The following CFAP263 variants were observed in gnomAD, a reference collection of about 807,000 sequenced individuals.
CFAP263 encodes cilia- and flagella-associated protein 263.
the CFAP263 span, chr16:58,259,785 A>G: frequency 1.0e-4 from 102 of 1,023,456 alleles, no homozygotes; most frequent in Admixed American, 1.3e-4. Flanking sequence ...AGAACCATCC[A>G]CTTTTCAAAC....
the CFAP263 span, chr16:58,254,200 C>G: frequency 6.2e-7 from 1 of 1,603,956 alleles, no homozygotes; most frequent in Admixed American, 1.7e-5. Context: ...GCCCAGGCTC[C>G]CCACCTCTAC....
chr16:58,250,090 C>A, the CFAP263 span: 1 of 1,588,672 alleles, frequency 6.3e-7, no homozygotes, highest in Non-Finnish European at 8.6e-7. Flanking sequence ...TGTTATCCAG[C>A]TGTGCGGGCT....
chr16:58,271,934 A>G, the CFAP263 span, among the ~76,000 whole-genome samples: 2 of 152,150 alleles, frequency 1.3e-5, no homozygotes, highest in African/African-American at 4.8e-5. Context: ...TTTATTTGGA[A>G]TTCTTCTGTA....
the CFAP263 span, among the ~76,000 whole-genome samples, chr16:58,273,219 GT>G: frequency 1.3e-5 from 2 of 152,174 alleles, no homozygotes; most frequent in Non-Finnish European, 2.9e-5. Flanking sequence ...GTAGCTTACT[GT>G]TTTTCAACAA....
At chr16:58,277,371 C>T in the CFAP263 span, among the ~76,000 whole-genome samples, 2 of 152,094 alleles carry the variant, frequency 1.3e-5, no homozygotes, top group African/African-American at 4.8e-5. Flanking sequence ...TCAAGTGATC[C>T]GCCCGCCTTA....
At chr16:58,268,062 A>AGAGAGAGAGAAT in the CFAP263 span, among the ~76,000 whole-genome samples, 866 of 150,928 alleles carry the variant, frequency 5.7e-3, 5 homozygotes, top group African/African-American at 0.018. Context: ...AGAGAGAGAG[A>AGAGAGAGAGAAT]GGTCATAACC....
chr16:58,258,579 G>A, the CFAP263 span: 1 of 1,534,426 alleles, frequency 6.5e-7, no homozygotes, highest in South Asian at 1.1e-5. Context: ...GGGATGTTAT[G>A]GAAATCATCC....
the CFAP263 span, among the ~76,000 whole-genome samples, chr16:58,252,240 T>C: frequency 6.6e-6 from 1 of 152,128 alleles, no homozygotes; most frequent in South Asian, 2.1e-4. Flanking sequence ...CATGGCATTG[T>C]GCACCTGCAG....
the CFAP263 span, chr16:58,283,226 A>C: frequency 6.6e-6 from 1 of 152,206 alleles, no homozygotes; most frequent in South Asian, 2.1e-4. Flanking sequence ...TTGATTCTAC[A>C]TGTGGGAATT....
chr16:58,257,658 C>CTT, the CFAP263 span, among the ~76,000 whole-genome samples: 11 of 142,456 alleles, frequency 7.7e-5, no homozygotes, highest in East Asian at 4.0e-4. Flanking sequence ...AATATAAAGT[C>CTT]TTTTTTTTTT....
At chr16:58,277,145 T>C in the CFAP263 span, among the ~76,000 whole-genome samples, 3 of 152,150 alleles carry the variant, frequency 2.0e-5, no homozygotes, top group African/African-American at 4.8e-5. Flanking sequence ...TAAATTTTTT[T>C]TTTTAGACAG....
At chr16:58,262,688 C>T in the CFAP263 span, 1 of 659,744 alleles carries the variant, frequency 1.5e-6, no homozygotes, top group Non-Finnish European at 2.4e-6. Flanking sequence ...TCCCTGAATG[C>T]TCCCACAACC....
At chr16:58,262,588 C>G in the CFAP263 span, 6 of 1,521,928 alleles carry the variant, frequency 3.9e-6, no homozygotes, top group Non-Finnish European at 2.7e-6. Context: ...TTTCCACACT[C>G]ACCTTTCTGG....
chr16:58,279,905 A>G, the CFAP263 span: 1 of 722,698 alleles, frequency 1.4e-6, no homozygotes, highest in East Asian at 2.6e-5. Flanking sequence ...CAGGCTGCGT[A>G]TCATCTCCTG....
At chr16:58,258,577 A>C in the CFAP263 span, 1 of 1,535,982 alleles carries the variant, frequency 6.5e-7, no homozygotes, top group Non-Finnish European at 9.0e-7. Flanking sequence ...CAGGGATGTT[A>C]TGGAAATCAT....
chr16:58,254,507 T>C, the CFAP263 span, among the ~76,000 whole-genome samples: 1 of 152,206 alleles, frequency 6.6e-6, no homozygotes. Context: ...TGAATCCTAG[T>C]GAATCTCTGT....
chr16:58,275,758 T>C, the CFAP263 span, among the ~76,000 whole-genome samples: 2 of 152,116 alleles, frequency 1.3e-5, no homozygotes, highest in Admixed American at 1.3e-4. Flanking sequence ...ATAAATGACA[T>C]GGGGTAACTG....
the CFAP263 span, among the ~76,000 whole-genome samples, chr16:58,251,321 C>G: frequency 6.1e-3 from 931 of 152,334 alleles, 4 homozygotes; most frequent in South Asian, 8.5e-3. Flanking sequence ...GGAGCATGCT[C>G]TATGCTGAAA....
chr16:58,282,159 C>A, the CFAP263 span: 15,162 of 152,150 alleles, frequency 0.1, 851 homozygotes, highest in Admixed American at 0.12. Context: ...CAGGCGCCCA[C>A]CACCACACCT....
Sources: allele counts gnomAD v4.1 joint callset (sites outside exome capture counted in the v4.1 genomes callset), GRCh38; gene constraint gnomAD v4.1.1; transcripts MANE v1.5; gene names NCBI Gene and HGNC (gene_info 2026-07-23, HGNC 2026-07-21).